The following GATA4 variants were observed in gnomAD, a reference collection of about 807,000 sequenced individuals.
The protein encoded by GATA4 is GATA binding protein 4.
Under a neutral mutation model 37.9 loss-of-function variants are expected in GATA4, and 7 were observed. The observed-to-expected ratio is 0.18, with a 90% CI of 0.11 to 0.35. The LOEUF is 0.35. Among genes scored for constraint, GATA4 ranks in the 10% least tolerant of loss-of-function variants. The probability of loss-of-function intolerance (pLI) is 1.00; values close to 1 mark genes in which losing one functional copy is unlikely to be tolerated. For synonymous variants in GATA4, 372 were observed against 292.6 expected, an observed-to-expected ratio of 1.27 and a Z score of -2.77; for missense variants, 647 against 653.0, an observed-to-expected ratio of 0.99 and a Z score of 0.10.
At chr8:11,691,032 G>A (rs896631366), upstream of GATA4, among the ~76,000 whole-genome samples, 5 of 152,120 alleles carry the variant, frequency 3.3e-5, no homozygotes, top group Non-Finnish European at 7.4e-5. Flanking sequence ...TTTGTGCCTT[G>A]GTTTCTTCAT....
chr8:11,708,925 C>A lies in GATA4; in HGVS notation c.613C>A (p.Leu205Ile). ...CAACCCGGCCGCCCGACACCCCAAT[C>A]TCGGTGAGTAGGAGCGCGAGGGCTG... ...RANPAARHPN[L>I]VDMFDDFSEG... Residue 205 changes from leucine (L) to isoleucine (I), a missense_variant, in exon 2 of 7, where the codon CTC (leucine) becomes ATC (isoleucine). By Grantham distance (5) the Leu-to-Ile change is conservative. Transcript: ENST00000532059. The surrounding 1 kb of genome is among the most constrained non-coding windows in gnomAD (Gnocchi z 6.7). The A allele has an allele frequency of 6.5e-7, 1 of 1,527,104 alleles. No homozygotes were observed. Among genetic ancestry groups the A allele is most frequent in the South Asian group, 1.2e-5 (1 of 83,542 alleles). The allele number at this position is 1,527,104 out of a possible 1,614,324, so 94.6% of individuals were successfully genotyped here. A position where few individuals can be genotyped will look rare whatever the true frequency, so the allele number is the denominator to read the frequency against.
chr8:11,757,441 A>G (rs1367014492), intron 6 of GATA4, among the ~76,000 whole-genome samples: 1 of 152,186 alleles, frequency 6.6e-6, no homozygotes, highest in Admixed American at 6.5e-5. Context: ...ACAACACAGA[A>G]GTACAACCTG....
At chr8:11,681,590 C>A in intron 1 of GATA4, 1 of 439,628 alleles carries the variant, frequency 2.3e-6, no homozygotes. Context: ...ACCCCACTCG[C>A]TGTTCTTAAC....
chr8:11,688,524 G>GCGCA (rs145128130), upstream of GATA4, among the ~76,000 whole-genome samples: 71 of 149,638 alleles, frequency 4.7e-4, no homozygotes, highest in African/African-American at 1.5e-3. Context: ...GTGCGCGCAT[G>GCGCA]CACACACACA....
chr8:11,751,781 A>G (rs1215427383), intron 4 of GATA4, among the ~76,000 whole-genome samples: 1 of 152,250 alleles, frequency 6.6e-6, no homozygotes. Flanking sequence ...GTTTGCCCAT[A>G]TACTTGGCAA....
chr8:11,736,398 T>C (rs1268285074), intron 2 of GATA4, among the ~76,000 whole-genome samples: 2 of 152,248 alleles, frequency 1.3e-5, no homozygotes, highest in Admixed American at 6.5e-5. Context: ...GTGAAATGAC[T>C]GTTGGCTAAG....
At chr8:11,696,490 C>G (rs1454299483) in intron 1 of GATA4, among the ~76,000 whole-genome samples, 4 of 151,772 alleles carry the variant, frequency 2.6e-5, no homozygotes, top group Admixed American at 6.6e-5. Context: ...ATGGATGTAC[C>G]TCAGTTTACC....
chr8:11,737,330 G>A (rs1399918119), intron 2 of GATA4, among the ~76,000 whole-genome samples: 1 of 152,200 alleles, frequency 6.6e-6, no homozygotes, highest in Non-Finnish European at 1.5e-5. Flanking sequence ...GAGGCGAAGG[G>A]GAAGTTGTTT....
At chr8:11,696,495 T>C (rs1799512828) in intron 1 of GATA4, among the ~76,000 whole-genome samples, 1 of 152,238 alleles carries the variant, frequency 6.6e-6, no homozygotes, top group South Asian at 2.1e-4. Context: ...TGTACCTCAG[T>C]TTACCTATTC....
At chr8:11,740,349 A>C (rs2130258219) in intron 2 of GATA4, among the ~76,000 whole-genome samples, 1 of 152,338 alleles carries the variant, frequency 6.6e-6, no homozygotes, top group South Asian at 2.1e-4. Context: ...TGCTTTCAGA[A>C]TAATTAGTAA....
chr8:11,691,248 C>T (rs1044598367), upstream of GATA4, among the ~76,000 whole-genome samples: 1 of 152,206 alleles, frequency 6.6e-6, no homozygotes, highest in Non-Finnish European at 1.5e-5. Flanking sequence ...TTTTTAGTTC[C>T]TCACTGAACA....
At chr8:11,741,832 A>C (rs1801754693) in intron 2 of GATA4, among the ~76,000 whole-genome samples, 2 of 152,244 alleles carry the variant, frequency 1.3e-5, no homozygotes, top group South Asian at 4.1e-4. Context: ...GAACTCCTGC[A>C]GCCCTTGCTG....
upstream of GATA4, among the ~76,000 whole-genome samples, chr8:11,703,979 G>A (rs1799778260): frequency 6.6e-6 from 1 of 152,278 alleles, no homozygotes; most frequent in Non-Finnish European, 1.5e-5. Flanking sequence ...CTGGGTTGCG[G>A]GTGATTCCCC....
chr8:11,723,914 T>C (rs894355750), intron 2 of GATA4, among the ~76,000 whole-genome samples: 2 of 152,208 alleles, frequency 1.3e-5, no homozygotes, highest in African/African-American at 4.8e-5. Flanking sequence ...CCCCCAGCAG[T>C]CTCCGGAACT....
intron 2 of GATA4, among the ~76,000 whole-genome samples, chr8:11,727,957 T>A (rs768286401): frequency 6.6e-6 from 1 of 152,206 alleles, no homozygotes; most frequent in Non-Finnish European, 1.5e-5. Context: ...GTACTCGGCA[T>A]GTAGTAAGTG....
intron 1 of GATA4, among the ~76,000 whole-genome samples, chr8:11,696,210 C>T (rs1220639163): frequency 3.3e-5 from 5 of 152,072 alleles, no homozygotes; most frequent in African/African-American, 4.8e-5. Context: ...ATTGTGTGAC[C>T]ACCATCACAA....
At chr8:11,721,339 C>T (rs1018938015) in intron 2 of GATA4, among the ~76,000 whole-genome samples, 1 of 148,502 alleles carries the variant, frequency 6.7e-6, no homozygotes, top group Non-Finnish European at 1.5e-5. Flanking sequence ...GAGTGGAGGG[C>T]GCGAGGCAGG....
At chr8:11,680,808 C>T in intron 1 of GATA4, 1 of 985,388 alleles carries the variant, frequency 1.0e-6, no homozygotes, top group African/African-American at 1.7e-5. Flanking sequence ...CTGCTCACCC[C>T]GACGCCTCGG....
rs189783801 is a variant in GATA4 at position 11,683,842 on chromosome 8, C to T, written c.-274+6779C>T. 1.7e-3 allele frequency among the ~76,000 whole-genome samples: 257 copies of T among 152,364 alleles called. 3 individuals carry two copies. The highest frequency in any genetic ancestry group is 0.015 in the Admixed American group (235 of 15,306). ...CACAATGCCTGGGCCAGGCCCCTAC[C>T]TGTACTCTCTGCCAGCTCAGGAAAC... On this transcript the variant is annotated intron_variant, in intron 1 of 6. Coordinates refer to the GATA4 transcript ENST00000528712.
Sources: gnomAD v4.1 joint callset for allele counts (sites outside exome capture counted in the v4.1 genomes callset) on GRCh38, gnomAD v4.1.1 for gene constraint, Gnocchi (gnomAD v3.1) non-coding constraint, MANE v1.5 for transcripts, NCBI Gene and HGNC (gene_info 2026-07-23, HGNC 2026-07-21) for gene names.